SEPTIN9: variants seen among roughly 807,000 people sequenced by gnomAD.
The protein encoded by SEPTIN9 is septin 9.
In SEPTIN9, 13 loss-of-function variants were observed where a neutral mutation model predicts 56.6. The ratio of observed to expected loss-of-function variants is 0.23; its 90% CI spans 0.15 to 0.37. The LOEUF is 0.37. Among genes scored for constraint, SEPTIN9 ranks in the 10% least tolerant of loss-of-function variants. The pLI is 1.00. For missense variants in SEPTIN9, 650 were observed against 823.1 expected (o/e 0.79, Z 2.57); for synonymous variants, 332 against 334.1 (o/e 0.99, Z 0.07).
chr17:77,487,310 G>A lies in SEPTIN9; in HGVS notation c.914-114G>A, dbSNP rs951718371. ...GGGATATTGCCGGGAGGTAGCCCAG[G>A]CACTGCTGAATCTCAGACTGGAGAG... is the stretch of plus-strand genomic sequence containing the variant. On this transcript the variant is annotated intron_variant, in intron 4 of 11. Coordinates refer to ENST00000427177, the MANE Select transcript of SEPTIN9 (RefSeq NM_001113491.2). The surrounding 1 kb of genome is among the most constrained non-coding windows in gnomAD (Gnocchi z 4.3). The A allele has an allele frequency of 4.3e-6, 5 of 1,174,412 alleles. No individual in the cohort carries two copies. The highest frequency in any genetic ancestry group is 6.2e-6 in the Non-Finnish European group (5 of 809,862). The allele number at this position is 1,174,412 out of a possible 1,614,324, so 72.7% of individuals were successfully genotyped here.
rs1404874488 is a variant in SEPTIN9 at position 77,450,128 on chromosome 17, C to T, written c.722-32016C>T. ...CGTTCACTGTGAGGGTGGGGAGGGC[C>T]GTGGGACCAGGAGGCCTTAGGGGGA... On this transcript the variant is annotated intron_variant, in intron 3 of 11. Transcript: ENST00000427177. This position sits in a 1 kb window ranked among gnomAD's most constrained non-coding sequence, Gnocchi z 6.0. Among the ~76,000 whole-genome samples, 2 of 152,084 alleles carry T rather than the reference C, an allele frequency of 1.3e-5. No homozygotes were observed. The highest frequency in any genetic ancestry group is 4.8e-5 in the African/African-American group (2 of 41,408).
chr17:77,394,766 G>A (rs1323574594), intron 2 of SEPTIN9, among the ~76,000 whole-genome samples: 1 of 152,228 alleles, frequency 6.6e-6, no homozygotes, highest in Admixed American at 6.5e-5. Flanking sequence ...CAGGCAGCCT[G>A]TGGTCAGAGC....
At chr17:77,305,617 T>C (rs2143586560) in intron 1 of SEPTIN9, among the ~76,000 whole-genome samples, 1 of 151,820 alleles carries the variant, frequency 6.6e-6, no homozygotes, top group South Asian at 2.1e-4. Context: ...CATCTGGGGG[T>C]TCCCTCCAGC....
chr17:77,366,802 G>A (rs74738567), intron 2 of SEPTIN9, among the ~76,000 whole-genome samples: 1,612 of 152,310 alleles, frequency 0.011, 26 homozygotes, highest in African/African-American at 0.037. Flanking sequence ...GCCGGAGCGG[G>A]GAGCTCGGAT....
At chr17:77,464,702 G>A (rs2038633728) in intron 3 of SEPTIN9, among the ~76,000 whole-genome samples, 1 of 151,428 alleles carries the variant, frequency 6.6e-6, no homozygotes, top group Non-Finnish European at 1.5e-5. Context: ...CCAGGTTCAC[G>A]CCATTCTCCT....
At chr17:77,485,884 G>A (rs2143310236) in intron 4 of SEPTIN9, among the ~76,000 whole-genome samples, 1 of 152,194 alleles carries the variant, frequency 6.6e-6, no homozygotes, top group East Asian at 1.9e-4. Flanking sequence ...TGTTGCCCAG[G>A]CTGGAGTGCA....
rs765441276 is a variant in SEPTIN9, at chr17:77,421,765, T to TG, written c.721+19065dup. Reference sequence around the variant, plus strand: ...TGCCAGGGTGCAGGTTGCTAGTGGATGGGTCTTCACCCTCGGGGATTGGCA... The same window carrying TG: ...TGCCAGGGTGCAGGTTGCTAGTGGATGGGGTCTTCACCCTCGGGGATTGGCA... On this transcript the variant is annotated intron_variant, in intron 3 of 11. Coordinates refer to ENST00000427177, the MANE Select transcript of SEPTIN9 (RefSeq NM_001113491.2). This position sits in a 1 kb window ranked among gnomAD's most constrained non-coding sequence, Gnocchi z 4.6. Among the ~76,000 whole-genome samples, 8 of 152,146 alleles carry TG rather than the reference T, an allele frequency of 5.3e-5. No individual in the cohort carries two copies. Among genetic ancestry groups the TG allele is most frequent in the Admixed American group, 1.3e-4 (2 of 15,280 alleles).
intron 2 of SEPTIN9, among the ~76,000 whole-genome samples, chr17:77,343,103 T>C (rs1188608655): frequency 6.6e-6 from 1 of 151,992 alleles, no homozygotes; most frequent in African/African-American, 2.4e-5. Flanking sequence ...ATCTCCAAAG[T>C]GATGGGTGTC....
At chr17:77,378,814 G>A (rs1229797341) in intron 2 of SEPTIN9, among the ~76,000 whole-genome samples, 1 of 152,112 alleles carries the variant, frequency 6.6e-6, no homozygotes, top group Non-Finnish European at 1.5e-5. Flanking sequence ...CTGGGAGGTT[G>A]TCCTGGTCTT....
chr17:77,339,539 TC>T (rs2033659825), intron 2 of SEPTIN9, among the ~76,000 whole-genome samples: 1 of 151,566 alleles, frequency 6.6e-6, no homozygotes, highest in African/African-American at 2.4e-5. Context: ...TGATGGAGTC[TC>T]GCTGTGTCAC....
In SEPTIN9 at chr17:77,498,600, G is replaced by A. The variant is rs370826149; in HGVS notation, c.1703G>A (p.Gly568Asp). The A allele has an allele frequency of 1.9e-6, 3 of 1,610,002 alleles. No homozygotes were observed. The highest frequency in any genetic ancestry group is 1.7e-6 in the Non-Finnish European group (2 of 1,178,776). Residue 568 changes from glycine (G) to aspartate (D), a missense_variant, in exon 12 of 12, where the codon GGC becomes GAC. This residue lies in a region of SEPTIN9 where 333 missense variants were observed against 494.0 expected (regional missense o/e 0.67). Coordinates refer to ENST00000427177, the MANE Select transcript of SEPTIN9 (RefSeq NM_001113491.2). ...TACCGTGTGAAGCGCCTCAACGAGGGCAGCAGCGCCATGGCCAACGGCATG... is the reference window on the plus strand; with the variant it reads ...TACCGTGTGAAGCGCCTCAACGAGGACAGCAGCGCCATGGCCAACGGCATG... ...EAYRVKRLNEGSSAMANGMEE... is the reference protein window; with the variant it reads ...EAYRVKRLNEDSSAMANGMEE...
intron 1 of SEPTIN9, chr17:77,288,117 C>A (rs976681038): frequency 7.5e-6 from 8 of 1,063,822 alleles, no homozygotes; most frequent in African/African-American, 1.6e-5. Flanking sequence ...CTCTCGCTGA[C>A]TCCTACCCCA....
At chr17:77,467,127 G>A (rs1345525324) in intron 3 of SEPTIN9, among the ~76,000 whole-genome samples, 3 of 152,252 alleles carry the variant, frequency 2.0e-5, no homozygotes, top group African/African-American at 7.2e-5. Context: ...GACGGCAGAT[G>A]GATAGACGCT....
intron 5 of SEPTIN9, 70 bp from the exon 6 acceptor site, chr17:77,488,170 C>A: frequency 6.9e-7 from 1 of 1,449,868 alleles, no homozygotes; most frequent in Non-Finnish European, 9.7e-7. Flanking sequence ...GCCCCGGGGT[C>A]AGTCAGGTGT....
At chr17:77,397,734 C>A (rs2035767669) in intron 2 of SEPTIN9, among the ~76,000 whole-genome samples, 1 of 152,138 alleles carries the variant, frequency 6.6e-6, no homozygotes, top group Admixed American at 6.6e-5. Flanking sequence ...ACTGCAACCT[C>A]TGCCTCCCGA....
chr17:77,475,707 A>G lies in SEPTIN9; in HGVS notation c.722-6437A>G. 2 of 1,613,482 alleles carry G rather than the reference A, an allele frequency of 1.2e-6. No homozygotes were observed. The highest frequency in any genetic ancestry group is 1.7e-6 in the Non-Finnish European group (2 of 1,179,870). On this transcript the variant is annotated intron_variant, in intron 3 of 11. Coordinates refer to ENST00000427177, the MANE Select transcript of SEPTIN9 (RefSeq NM_001113491.2). This position sits in a 1 kb window ranked among gnomAD's most constrained non-coding sequence, Gnocchi z 4.6. ...TGGGCCGGGGTGGATGGAGGCAAGG[A>G]AGTCTTCGCCGGGGCAAGGGCACCA...
intron 2 of SEPTIN9, among the ~76,000 whole-genome samples, chr17:77,342,156 G>A (rs2033754810): frequency 6.6e-6 from 1 of 152,026 alleles, no homozygotes; most frequent in South Asian, 2.1e-4. Context: ...GAAAAAGTTT[G>A]AACTATTTCA....
At chr17:77,328,772 A>G (rs910606809) in intron 2 of SEPTIN9, among the ~76,000 whole-genome samples, 1 of 152,210 alleles carries the variant, frequency 6.6e-6, no homozygotes, top group African/African-American at 2.4e-5. Flanking sequence ...TTGTTACTTA[A>G]CAGTTGGAAC....
At chr17:77,472,169 G>T (rs1195060605) in intron 3 of SEPTIN9, among the ~76,000 whole-genome samples, 1 of 152,184 alleles carries the variant, frequency 6.6e-6, no homozygotes, top group Non-Finnish European at 1.5e-5. Context: ...GGTTGCAAAT[G>T]AAAGAACAGA....
Sources: gnomAD v4.1 joint callset for allele counts (sites outside exome capture counted in the v4.1 genomes callset) on GRCh38, gnomAD v4.1.1 for gene constraint, gnomAD v4.1.1 regional missense constraint, Gnocchi (gnomAD v3.1) non-coding constraint, MANE v1.5 for transcripts, NCBI Gene and HGNC (gene_info 2026-07-23, HGNC 2026-07-21) for gene names.